Variants in ATP11A observed in about 807,000 individuals in gnomAD.
The protein encoded by ATP11A is ATPase phospholipid transporting 11A.
A neutral mutation model predicts 154.4 loss-of-function variants in ATP11A; 81 were observed. That is an observed-to-expected ratio of 0.52 (90% CI 0.44 to 0.63). The LOEUF is 0.63. Among genes scored for constraint, ATP11A ranks in the 30% least tolerant of loss-of-function variants. ATP11A has a pLI of 0.00. For synonymous variants in ATP11A, 623 were observed against 585.9 expected, an observed-to-expected ratio of 1.06 and a Z score of -0.91; for missense variants, 1,316 against 1,474.3, an observed-to-expected ratio of 0.89 and a Z score of 1.76.
At chr13:112,806,001 A>ATGTTC (rs1283650390) in intron 3 of ATP11A, among the ~76,000 whole-genome samples, 2 of 147,508 alleles carry the variant, frequency 1.4e-5, no homozygotes, top group Non-Finnish European at 3.0e-5. Context: ...TTCCTTGAGC[A>ATGTTC]TGTTCCTTAA....
Position 112,862,030 on chromosome 13 carries a change from T to G in ATP11A, c.2856-410T>G, listed in dbSNP as rs9549576. On this transcript the variant is annotated intron_variant, in intron 24 of 29. Coordinates refer to ENST00000375645, the MANE Select transcript of ATP11A (RefSeq NM_015205.3). ...GTCACAGCAGGCGTAAGGCGTCACG[T>G]CAGGCGTAAGGTGTCACAGCAGGCG... Among the ~76,000 whole-genome samples, 207 of 48,326 alleles carry G rather than the reference T, an allele frequency of 4.3e-3. 3 individuals are homozygous for G. In the East Asian group the frequency reaches 0.1, roughly 24 times the overall value. The allele number at this position is 48,326 out of a possible 152,430, so 31.7% of individuals were successfully genotyped here.
intron 29 of ATP11A, chr13:112,880,537 G>T: frequency 7.7e-7 from 1 of 1,297,242 alleles, no homozygotes. Flanking sequence ...ATCTTTCCTC[G>T]CCTTGCAGAG....
At chr13:112,858,008 C>G in intron 21 of ATP11A, 88 bp downstream of exon 21, 1 of 1,563,430 alleles carries the variant, frequency 6.4e-7, no homozygotes, top group Non-Finnish European at 8.8e-7. Context: ...CAGGTGCATT[C>G]AGGACACCCC....
At chr13:112,840,912 C>G (rs1204911555) in intron 16 of ATP11A, among the ~76,000 whole-genome samples, 1 of 152,198 alleles carries the variant, frequency 6.6e-6, no homozygotes, top group Non-Finnish European at 1.5e-5. Flanking sequence ...CTCTGGGGCC[C>G]TCTGGATTTG....
At chr13:112,722,976 C>A (rs1889371748) in intron 1 of ATP11A, among the ~76,000 whole-genome samples, 1 of 152,038 alleles carries the variant, frequency 6.6e-6, no homozygotes, top group Non-Finnish European at 1.5e-5. Flanking sequence ...CTTTAATTTG[C>A]AGTTGATTAA....
intron 1 of ATP11A, among the ~76,000 whole-genome samples, chr13:112,774,749 A>G (rs1190417877): frequency 6.6e-6 from 1 of 152,254 alleles, no homozygotes; most frequent in Non-Finnish European, 1.5e-5. Context: ...TCACAGTCTC[A>G]GAGTGTGAGA....
In ATP11A at chr13:112,862,509, C is replaced by T. The variant is rs151314075; in HGVS notation, c.2925C>T (p.Asp975=). Residue 975 remains aspartate, a synonymous_variant, in exon 25 of 30, where the codon GAC becomes GAT. Coordinates refer to ENST00000375645, the MANE Select transcript of ATP11A (RefSeq NM_015205.3). ...ACTGGACGCTCCTGGGACTGTTTGACGCACTGGTGTTCTTCTTTGGTGCTT... is the reference window on the plus strand; with the variant it reads ...ACTGGACGCTCCTGGGACTGTTTGATGCACTGGTGTTCTTCTTTGGTGCTT... ...FIYWTLLGLF[D]ALVFFFGAYF... 47 of 1,614,058 alleles carry T rather than the reference C, an allele frequency of 2.9e-5. No homozygotes were observed. The Admixed American group carries it at 3.2e-4, about 11-fold the overall frequency.
At chr13:112,751,639 G>A (rs750134464) in intron 1 of ATP11A, among the ~76,000 whole-genome samples, 13 of 151,826 alleles carry the variant, frequency 8.6e-5, no homozygotes, top group Admixed American at 2.0e-4. Context: ...CAGCCTGGGC[G>A]ACAGTGAGGC....
In ATP11A at chr13:112,751,177, C is replaced by T. The variant is rs377012425; in HGVS notation, c.40-33958C>T. On this transcript the variant is annotated intron_variant, in intron 1 of 29. Coordinates refer to ENST00000375645, the MANE Select transcript of ATP11A (RefSeq NM_015205.3). ...ACCGGTGTAAGCGCGTCTTCGTGTC[C>T]TTCCATGGATGTTTGTAGAGGTGGA... is the stretch of plus-strand genomic sequence containing the variant. Among the ~76,000 whole-genome samples the T allele has an allele frequency of 5.9e-5, 9 of 152,290 alleles. No homozygotes were observed. In the East Asian group the frequency reaches 1.5e-3, roughly 26 times the overall value.
intron 1 of ATP11A, among the ~76,000 whole-genome samples, chr13:112,727,715 G>A (rs1890028485): frequency 6.6e-6 from 1 of 152,208 alleles, no homozygotes; most frequent in South Asian, 2.1e-4. Flanking sequence ...TTTCTTGAGG[G>A]CTGGTGGCTG....
chr13:112,796,450 C>T (rs555870966), intron 2 of ATP11A, among the ~76,000 whole-genome samples: 1 of 152,304 alleles, frequency 6.6e-6, no homozygotes, highest in Admixed American at 6.5e-5. Flanking sequence ...GGAGGCAGAA[C>T]AGACTGTCCG....
At chr13:112,849,969 G>T (rs1361965986) in intron 17 of ATP11A, among the ~76,000 whole-genome samples, 1 of 152,214 alleles carries the variant, frequency 6.6e-6, no homozygotes, top group African/African-American at 2.4e-5. Flanking sequence ...TGTTCCTGGA[G>T]AACAGGACTC....
intron 12 of ATP11A, among the ~76,000 whole-genome samples, chr13:112,827,716 G>A (rs1381784898): frequency 6.6e-6 from 1 of 152,252 alleles, no homozygotes; most frequent in Non-Finnish European, 1.5e-5. Flanking sequence ...GGCCACTTTA[G>A]ACAGGTAGCT....
rs149230052 is a variant in ATP11A, at chr13:112,862,473, C to T, written c.2889C>T (p.Arg963=). Residue 963 remains arginine (R), a synonymous_variant, in exon 25 of 30, where the codon CGC becomes CGT. Transcript: ENST00000375645. ...DVAKNALLRW[R]VFIYWTLLGL... is the part of the protein sequence containing the mutation. ...CCAAGAATGCCCTGCTGCGCTGGCG[C>T]GTGTTCATCTACTGGACGCTCCTGG... is the stretch of plus-strand genomic sequence containing the variant. 1.4e-4 allele frequency: 223 copies of T among 1,614,114 alleles called. No homozygotes were observed. The highest frequency in any genetic ancestry group is 1.2e-3 in the African/African-American group (87 of 75,064).
At chr13:112,728,692 C>T (rs979671876) in intron 1 of ATP11A, among the ~76,000 whole-genome samples, 7 of 151,432 alleles carry the variant, frequency 4.6e-5, no homozygotes, top group Non-Finnish European at 7.3e-5. Flanking sequence ...GACTGCGGCC[C>T]GCCTCCCTGT....
chr13:112,740,179 T>C (rs1891412866), intron 1 of ATP11A, among the ~76,000 whole-genome samples: 1 of 151,122 alleles, frequency 6.6e-6, no homozygotes. Flanking sequence ...TAGATATCTA[T>C]ATGTATATAT....
At chr13:112,719,279 A>G (rs1179987413) in intron 1 of ATP11A, among the ~76,000 whole-genome samples, 2 of 152,250 alleles carry the variant, frequency 1.3e-5, no homozygotes, top group Non-Finnish European at 2.9e-5. Context: ...AAACTGCACC[A>G]GAGGCAACAC....
At chr13:112,731,327 AG>A (rs1890462402) in intron 1 of ATP11A, among the ~76,000 whole-genome samples, 1 of 140,212 alleles carries the variant, frequency 7.1e-6, no homozygotes, top group Non-Finnish European at 1.5e-5. Flanking sequence ...TAAAGAAAAC[AG>A]ATTAGCTTTA....
chr13:112,744,726 G>A (rs995747830), intron 1 of ATP11A, among the ~76,000 whole-genome samples: 1 of 152,188 alleles, frequency 6.6e-6, no homozygotes, highest in Admixed American at 6.5e-5. Flanking sequence ...TTAGTCACCC[G>A]GCTGGTGTGT....
Sources: allele counts gnomAD v4.1 joint callset (sites outside exome capture counted in the v4.1 genomes callset), GRCh38; gene constraint gnomAD v4.1.1; transcripts MANE v1.5; gene names NCBI Gene and HGNC (gene_info 2026-07-23, HGNC 2026-07-21).